Variants in SMG6 observed in about 807,000 individuals in gnomAD.
The protein encoded by SMG6 is telomerase-binding protein EST1A.
A neutral mutation model predicts 142.2 loss-of-function variants in SMG6; 66 were observed. That is an observed-to-expected ratio of 0.46 (90% CI 0.38 to 0.57). The LOEUF (loss-of-function observed/expected upper bound fraction) is 0.57, where lower values mean the gene tolerates loss of function less well. Ranked by LOEUF, SMG6 falls within the 20% of genes least tolerant of loss-of-function variation. The pLI, the probability that SMG6 is intolerant of heterozygous loss-of-function variation, is 0.00. For synonymous variants in SMG6, 779 were observed against 702.4 expected (o/e 1.11, Z -1.72); for missense variants, 1,793 against 1,832.0 (o/e 0.98, Z 0.39).
chr17:2,196,035 T>C (rs2151709291), intron 10 of SMG6, among the ~76,000 whole-genome samples: 1 of 152,334 alleles, frequency 6.6e-6, no homozygotes, highest in South Asian at 2.1e-4. Context: ...ATGCCATCGT[T>C]TACAATAGTG....
At chr17:2,253,781 T>C (rs960056682) in intron 8 of SMG6, among the ~76,000 whole-genome samples, 5 of 152,190 alleles carry the variant, frequency 3.3e-5, no homozygotes, top group Admixed American at 2.0e-4. Context: ...CATTCTATGA[T>C]AGCACAAGTG....
At chr17:2,178,648 T>G (rs1356970062) in intron 12 of SMG6, among the ~76,000 whole-genome samples, 1 of 152,136 alleles carries the variant, frequency 6.6e-6, no homozygotes, top group Middle Eastern at 3.2e-3. Context: ...ACCTCAACCA[T>G]CCACTGCCCC....
chr17:2,158,860 CAAA>C (rs1156515446), intron 13 of SMG6, among the ~76,000 whole-genome samples: 7 of 32,406 alleles, frequency 2.2e-4, no homozygotes, highest in Non-Finnish European at 2.6e-4. Flanking sequence ...GACCCTGTTT[CAAA>C]AAAAAAAAAA....
chr17:2,245,239 T>C (rs779751431), intron 8 of SMG6, among the ~76,000 whole-genome samples: 3 of 152,160 alleles, frequency 2.0e-5, no homozygotes, highest in African/African-American at 4.8e-5. Flanking sequence ...CTAGAGTTCA[T>C]GTTCTAGGTC....
chr17:2,066,605 TTGTC>T (rs1444190746), intron 16 of SMG6, among the ~76,000 whole-genome samples: 4 of 146,982 alleles, frequency 2.7e-5, no homozygotes, highest in African/African-American at 7.6e-5. Context: ...CTGGCACTCA[TTGTC>T]TGGGTATTCG....
chr17:2,277,990 G>A (rs2074699420), intron 8 of SMG6, among the ~76,000 whole-genome samples: 1 of 152,268 alleles, frequency 6.6e-6, no homozygotes, highest in East Asian at 1.9e-4. Flanking sequence ...AGAGGCTCCA[G>A]TGGGCCGTGA....
intron 8 of SMG6, among the ~76,000 whole-genome samples, chr17:2,274,144 T>C (rs2074599119): frequency 6.6e-6 from 1 of 152,242 alleles, no homozygotes; most frequent in Non-Finnish European, 1.5e-5. Context: ...ATGGCTACTT[T>C]GGTGGTACAA....
At chr17:2,209,137 C>G (rs12601834) in intron 10 of SMG6, among the ~76,000 whole-genome samples, 2 of 151,962 alleles carry the variant, frequency 1.3e-5, no homozygotes, top group Non-Finnish European at 2.9e-5. Context: ...GCATTCCAAC[C>G]TGGATGACAG....
intron 12 of SMG6, 159 bp from the exon 13 acceptor site, chr17:2,173,018 G>A (rs2071553212): frequency 1.5e-6 from 1 of 672,352 alleles, no homozygotes; most frequent in East Asian, 2.7e-5. Flanking sequence ...ACAAAACTGT[G>A]CCCAAGGCAG....
chr17:2,226,675 A>C (rs1170394176), intron 10 of SMG6, among the ~76,000 whole-genome samples: 1 of 151,904 alleles, frequency 6.6e-6, no homozygotes, highest in African/African-American at 2.4e-5. Flanking sequence ...CGGGTGGATC[A>C]CCTGAGGTCA....
chr17:2,291,084 C>G (rs1468826633), intron 6 of SMG6, among the ~76,000 whole-genome samples: 2 of 152,140 alleles, frequency 1.3e-5, no homozygotes, highest in Non-Finnish European at 2.9e-5. Context: ...GTAATCCCAG[C>G]ACTTTGGGAG....
chr17:2,087,880 C>T, intron 13 of SMG6: 5 of 985,878 alleles, frequency 5.1e-6, no homozygotes, highest in African/African-American at 3.5e-5. Flanking sequence ...ATTTTAACCA[C>T]CTTGTCGTTA....
At chr17:2,210,714 A>G (rs2072824837) in intron 10 of SMG6, among the ~76,000 whole-genome samples, 1 of 151,488 alleles carries the variant, frequency 6.6e-6, no homozygotes, top group Non-Finnish European at 1.5e-5. Context: ...AAACAGATAC[A>G]GCATTTCTGG....
chr17:2,101,712 C>A (rs971093289), intron 13 of SMG6: 1 of 152,196 alleles, frequency 6.6e-6, no homozygotes, highest in Non-Finnish European at 1.5e-5. Context: ...AGGCACTGTG[C>A]CAAATGCTTT....
intron 13 of SMG6, among the ~76,000 whole-genome samples, chr17:2,153,212 G>C (rs577502658): frequency 3.3e-5 from 5 of 152,266 alleles, no homozygotes; most frequent in Admixed American, 2.6e-4. Context: ...TGTTAGTGTA[G>C]TCTATGTGTG....
At chr17:2,073,507 G>A (rs1436527675) in intron 15 of SMG6, among the ~76,000 whole-genome samples, 1 of 151,136 alleles carries the variant, frequency 6.6e-6, no homozygotes. Context: ...TCAGGAGTTC[G>A]AGACCAGCCT....
At chr17:2,269,219 CAAAAAAAA>C (rs746635212) in intron 8 of SMG6, among the ~76,000 whole-genome samples, 1 of 82,636 alleles carries the variant, frequency 1.2e-5, no homozygotes, top group African/African-American at 4.8e-5. Context: ...GACTCCATCT[CAAAAAAAA>C]AAAAAAAAAA....
intron 3 of SMG6, 149 bp from the exon 4 acceptor site, chr17:2,297,502 A>C: frequency 1.6e-6 from 1 of 631,282 alleles, no homozygotes; most frequent in Non-Finnish European, 2.7e-6. Context: ...CTGGCCACCA[A>C]TTTGAGAACA....
At chr17:2,080,167 C>T (rs1417078546) in intron 15 of SMG6, among the ~76,000 whole-genome samples, 1 of 151,710 alleles carries the variant, frequency 6.6e-6, no homozygotes, top group African/African-American at 2.4e-5. Flanking sequence ...GCCTGTAATC[C>T]CAGCACTTTG....
Sources: allele counts gnomAD v4.1 joint callset (sites outside exome capture counted in the v4.1 genomes callset), GRCh38; gene constraint gnomAD v4.1.1; transcripts MANE v1.5; gene names NCBI Gene and HGNC (gene_info 2026-07-23, HGNC 2026-07-21).